Variants in PARD3B observed in about 807,000 individuals in gnomAD.
PARD3B encodes the protein partitioning defective 3 homolog B.
Under a neutral mutation model 130.2 loss-of-function variants are expected in PARD3B, and 103 were observed. The observed-to-expected ratio is 0.79, with a 90% CI of 0.67 to 0.93. The LOEUF is 0.93. Among genes scored for constraint, PARD3B ranks in the 40% least tolerant of loss-of-function variants. The probability of loss-of-function intolerance (pLI) is 0.00; values close to 1 mark genes in which losing one functional copy is unlikely to be tolerated. For missense variants in PARD3B, 1,609 were observed against 1,499.2 expected, an observed-to-expected ratio of 1.07 and a Z score of -1.21; for synonymous variants, 583 against 553.2, an observed-to-expected ratio of 1.05 and a Z score of -0.76.
At chr2:204,668,298 G>A (rs1435217463) in intron 1 of PARD3B, among the ~76,000 whole-genome samples, 1 of 152,200 alleles carries the variant, frequency 6.6e-6, no homozygotes, top group African/African-American at 2.4e-5. Context: ...CTTTAGATTA[G>A]AAGTTATTAT....
At chr2:204,713,965 G>T (rs928438093) in intron 2 of PARD3B, among the ~76,000 whole-genome samples, 20 of 152,072 alleles carry the variant, frequency 1.3e-4, no homozygotes, top group African/African-American at 4.1e-4. Flanking sequence ...TTGTTGATAG[G>T]CTCTGTCAGT....
At chr2:204,983,123 G>A (rs1374128161) in intron 3 of PARD3B, among the ~76,000 whole-genome samples, 8 of 151,968 alleles carry the variant, frequency 5.3e-5, no homozygotes, top group Non-Finnish European at 1.0e-4. Context: ...TTCTTAGCTC[G>A]GTGACCTGAA....
Position 205,614,717 on chromosome 2 carries a change from T to TA in PARD3B, c.3261-726dup, listed in dbSNP as rs557171777. Among the ~76,000 whole-genome samples the TA allele has an allele frequency of 1.0e-3, 140 of 138,542 alleles. 1 individual carries two copies. Among genetic ancestry groups the TA allele is most frequent in the Admixed American group, 2.7e-3 (37 of 13,792 alleles). The allele number at this position is 138,542 out of a possible 152,430, so 90.9% of individuals were successfully genotyped here. On this transcript the variant is annotated intron_variant, in intron 22 of 22. Coordinates refer to ENST00000406610, the MANE Select transcript of PARD3B (RefSeq NM_001302769.2). Reference sequence around the variant, plus strand: ...TGAGACTCCCTCTCAAAAAAAAAATTAAAAAAAAAAAAAGAGCTCTAGGTG... The same window carrying TA: ...TGAGACTCCCTCTCAAAAAAAAAATTAAAAAAAAAAAAAAGAGCTCTAGGTG...
intron 11 of PARD3B, among the ~76,000 whole-genome samples, chr2:205,170,054 C>G (rs1223200431): frequency 1.3e-5 from 2 of 151,914 alleles, no homozygotes; most frequent in East Asian, 3.9e-4. Flanking sequence ...CCTCAGCCTC[C>G]CGAGTAGCTG....
chr2:204,798,718 CTGGGCAGTCTTGAGGCCTCCA>C (rs1339137149), intron 2 of PARD3B, among the ~76,000 whole-genome samples: 1 of 151,868 alleles, frequency 6.6e-6, no homozygotes, highest in Non-Finnish European at 1.5e-5. Context: ...TGATAGGGCA[CTGGGCAGTCTTGAGGCCTCCA>C]TTCCCGGCCC....
chr2:204,748,865 A>G (rs1281569202), intron 2 of PARD3B, among the ~76,000 whole-genome samples: 2 of 152,168 alleles, frequency 1.3e-5, no homozygotes, highest in Admixed American at 1.3e-4. Flanking sequence ...CTTTTTTCCT[A>G]TATACCCATA....
At position 205,484,426 on chromosome 2, in the gene PARD3B, G is replaced by A. The variant is rs181890806; in HGVS notation, c.3045-15470G>A. On this transcript the variant is annotated intron_variant, in intron 20 of 22. Coordinates refer to ENST00000406610, the MANE Select transcript of PARD3B (RefSeq NM_001302769.2). ...TCATTAGTGTCTTTACCAAACAAGG[G>A]GCTGGGCAAGGAAAAGAATGTGAAA... 7.9e-5 allele frequency among the ~76,000 whole-genome samples: 12 copies of A among 152,278 alleles called. No homozygotes were observed. In the East Asian group the frequency reaches 1.5e-3, roughly 20 times the overall value.
At chr2:205,522,424 A>AGGACAGCGACGTCTCCCATTTTT (rs2051115089) in intron 21 of PARD3B, among the ~76,000 whole-genome samples, 1 of 152,012 alleles carries the variant, frequency 6.6e-6, no homozygotes, top group Non-Finnish European at 1.5e-5. Context: ...TCTGTAGTCA[A>AGGACAGCGACGTCTCCCATTTTT]GGACAGCGAC....
chr2:205,494,104 G>A lies in PARD3B; in HGVS notation c.3045-5792G>A, dbSNP rs540795732. Among the ~76,000 whole-genome samples, 10 of 152,122 alleles carry A rather than the reference G, an allele frequency of 6.6e-5. No individual in the cohort carries two copies. The East Asian group carries it at 1.9e-3, about 30-fold the overall frequency. On this transcript the variant is annotated intron_variant, in intron 20 of 22. Coordinates refer to ENST00000406610, the MANE Select transcript of PARD3B (RefSeq NM_001302769.2). ...ACTGCATCATCAAATCTGGACACCA[G>A]GCTGGTACCCACAAATAAGGGCAGT... is the stretch of plus-strand genomic sequence containing the variant.
At chr2:205,027,921 A>G (rs997264383) in intron 3 of PARD3B, among the ~76,000 whole-genome samples, 4 of 152,088 alleles carry the variant, frequency 2.6e-5, no homozygotes, top group African/African-American at 4.8e-5. Flanking sequence ...CCATTGGTCA[A>G]TGTGTCTTGT....
At chr2:205,565,606 T>C (rs1056042618) in intron 22 of PARD3B, among the ~76,000 whole-genome samples, 1 of 152,154 alleles carries the variant, frequency 6.6e-6, no homozygotes, top group African/African-American at 2.4e-5. Flanking sequence ...ATTCCTCAGT[T>C]TGTCCTTTTT....
chr2:204,792,449 T>C (rs2042232285), intron 2 of PARD3B, among the ~76,000 whole-genome samples: 1 of 151,560 alleles, frequency 6.6e-6, no homozygotes, highest in Non-Finnish European at 1.5e-5. Flanking sequence ...AGTTTTATAT[T>C]GACCAAAGAA....
rs1401056775 is a variant in PARD3B at position 204,771,988 on chromosome 2, A to C, written c.222+85706A>C. On this transcript the variant is annotated intron_variant, in intron 2 of 22. Coordinates refer to ENST00000406610, the MANE Select transcript of PARD3B (RefSeq NM_001302769.2). ...TTTATAAAGTAACTTGAATAGTTTC[A>C]AATCCTAAGGCTTCCTTTTAACAAT... Among the ~76,000 whole-genome samples the C allele has an allele frequency of 2.0e-5, 3 of 152,176 alleles. No individual in the cohort carries two copies. The East Asian group carries it at 5.8e-4, about 29-fold the overall frequency.
chr2:204,747,037 C>A (rs1257635829), intron 2 of PARD3B, among the ~76,000 whole-genome samples: 1 of 152,136 alleles, frequency 6.6e-6, no homozygotes, highest in South Asian at 2.1e-4. Context: ...GTGTTTTAGA[C>A]ATGAAGTCCT....
chr2:205,404,198 AT>A (rs756515213), intron 19 of PARD3B, among the ~76,000 whole-genome samples: 1 of 152,198 alleles, frequency 6.6e-6, no homozygotes, highest in Non-Finnish European at 1.5e-5. Context: ...CAGATTGAAA[AT>A]ATTTAGAAAA....
At chr2:205,380,278 A>ATATATAAAGAATATATATTATATAT (rs2045285296) in intron 18 of PARD3B, among the ~76,000 whole-genome samples, 1 of 18,652 alleles carries the variant, frequency 5.4e-5, no homozygotes, top group African/African-American at 2.5e-4. Context: ...ATATTATATA[A>ATATATAAAGAATATATATTATATAT]TATATAAAGA....
chr2:204,863,236 C>T (rs1402945601), intron 2 of PARD3B, among the ~76,000 whole-genome samples: 1 of 152,178 alleles, frequency 6.6e-6, no homozygotes, highest in Non-Finnish European at 1.5e-5. Context: ...ATTGTTGCAT[C>T]TCCACCTTCC....
chr2:205,200,939 T>A (rs1298145911), intron 15 of PARD3B, among the ~76,000 whole-genome samples: 1 of 152,212 alleles, frequency 6.6e-6, no homozygotes, highest in East Asian at 1.9e-4. Flanking sequence ...TCTTAGCTGC[T>A]TGCCTGACAC....
In PARD3B at chr2:205,300,260, C is replaced by T. The variant is rs116632410; in HGVS notation, c.2186-270C>T. Among the ~76,000 whole-genome samples, 3,611 of 152,214 alleles carry T rather than the reference C, an allele frequency of 0.024. 63 individuals are homozygous for T. Among genetic ancestry groups the T allele is most frequent in the Non-Finnish European group, 0.038 (2,586 of 68,016 alleles). On this transcript the variant is annotated intron_variant, in intron 16 of 22. Transcript: ENST00000406610. This position sits in a 1 kb window ranked among gnomAD's most constrained non-coding sequence, Gnocchi z 4.1. The stretch of plus-strand genomic sequence containing the variant: ...AGGTGTGTGTGTATATGCCTATAGA[C>T]ACACATGCATATACACTTCTGCATA...
Sources: allele counts gnomAD v4.1 joint callset (sites outside exome capture counted in the v4.1 genomes callset), GRCh38; gene constraint gnomAD v4.1.1; non-coding constraint Gnocchi (gnomAD v3.1); transcripts MANE v1.5; gene names NCBI Gene and HGNC (gene_info 2026-07-23, HGNC 2026-07-21).